IVD: variants seen among roughly 807,000 people sequenced by gnomAD.
The protein encoded by IVD is isovaleryl-CoA dehydrogenase, mitochondrial.
In IVD, 31 loss-of-function variants were observed where a neutral mutation model predicts 51.3. The ratio of observed to expected loss-of-function variants is 0.60; its 90% CI spans 0.45 to 0.81. The LOEUF (loss-of-function observed/expected upper bound fraction) is 0.81. Ranked by LOEUF, IVD falls within the 40% of genes least tolerant of loss-of-function variation. The pLI is 0.00. For synonymous variants in IVD, 205 were observed against 219.4 expected (o/e 0.93, Z 0.58); for missense variants, 475 against 552.0 (o/e 0.86, Z 1.40).
downstream of IVD, among the ~76,000 whole-genome samples, chr15:40,429,082 C>T (rs1274832918): frequency 6.6e-6 from 1 of 152,156 alleles, no homozygotes; most frequent in East Asian, 1.9e-4. Context: ...CCCAGCCTGC[C>T]CACTCACCAG....
chr15:40,418,024 A>C, intron 11 of IVD, 106 bp from the exon 12 acceptor site: 74 of 1,408,122 alleles, frequency 5.3e-5, no homozygotes, highest in Non-Finnish European at 6.9e-5. Flanking sequence ...GCTTTTCTTT[A>C]ATCACCCTCT....
Position 40,416,413 on chromosome 15 carries a change from G to A in IVD, c.1138+51G>A, listed in dbSNP as rs1891690062. 2.6e-6 allele frequency: 4 copies of A among 1,567,284 alleles called. No individual in the cohort carries two copies. In the East Asian group the frequency reaches 6.7e-5, roughly 26 times the overall value. On this transcript the variant is annotated intron_variant, in intron 11 of 11. Coordinates refer to ENST00000487418, the MANE Select transcript of IVD (RefSeq NM_002225.5). Reference sequence around the variant, plus strand: ...CGGGGCTCCCTCACTCCTGGGGCCTGTGGCTGCTTCAGAAAGCAGTTTCAG... The same window carrying A: ...CGGGGCTCCCTCACTCCTGGGGCCTATGGCTGCTTCAGAAAGCAGTTTCAG...
chr15:40,406,751 AGTTTAT>A (rs1890462515), intron 1 of IVD, among the ~76,000 whole-genome samples: 1 of 152,130 alleles, frequency 6.6e-6, no homozygotes, highest in Non-Finnish European at 1.5e-5. Flanking sequence ...GCAACTCCGT[AGTTTAT>A]GTTTATAGCC....
intron 1 of IVD, among the ~76,000 whole-genome samples, chr15:40,407,328 TG>T (rs1890553048): frequency 6.6e-6 from 1 of 152,224 alleles, no homozygotes; most frequent in Non-Finnish European, 1.5e-5. Flanking sequence ...GAGAGTCAGC[TG>T]GGGTCAGCTC....
At chr15:40,406,313 A>T (rs1270702448) in intron 1 of IVD, 10 of 1,380,724 alleles carry the variant, frequency 7.2e-6, no homozygotes, top group Non-Finnish European at 9.5e-6. Flanking sequence ...AAGGGCCCTC[A>T]ATCTGTATGT....
downstream of IVD, chr15:40,421,378 T>C (rs1892286339): frequency 1.0e-6 from 1 of 985,356 alleles, no homozygotes; most frequent in Admixed American, 6.1e-5. Flanking sequence ...GCGTGTTTGG[T>C]TGCCTACATG....
rs749727317 is a variant in IVD, at chr15:40,405,851, G to A, written c.24G>A (p.Leu8=). Residue 8 remains leucine, a synonymous_variant, in exon 1 of 12, where the codon CTG becomes CTA. Coordinates refer to ENST00000487418, the MANE Select transcript of IVD (RefSeq NM_002225.5). The part of the protein sequence containing the change: MATATRL[L]GWRVASWRLR... ...AGATGGCGACTGCGACTCGGCTGCT[G>A]GGGTGGCGTGTGGCGAGCTGGAGGC... The A allele has an allele frequency of 1.2e-6, 2 of 1,612,776 alleles. No individual in the cohort carries two copies. The highest frequency in any genetic ancestry group is 1.7e-6 in the Non-Finnish European group (2 of 1,179,276).
intron 7 of IVD, among the ~76,000 whole-genome samples, chr15:40,431,283 C>T (rs1421443504): frequency 6.6e-6 from 1 of 151,994 alleles, no homozygotes; most frequent in Non-Finnish European, 1.5e-5. Flanking sequence ...CGTGCCCAGC[C>T]GGCTCCACTA....
At chr15:40,411,147 G>A (rs1891031287) in intron 4 of IVD, 113 bp from the exon 5 acceptor site, 1 of 1,037,750 alleles carries the variant, frequency 9.6e-7, no homozygotes, top group Admixed American at 1.7e-5. Context: ...CGACACCCTG[G>A]TCTGAGAGCG....
In IVD at chr15:40,413,035, G is replaced by T. The variant is rs1449259635; in HGVS notation, c.732G>T (p.Gly244=). 4 of 1,614,146 alleles carry T rather than the reference G, an allele frequency of 2.5e-6. No homozygotes were observed. Among genetic ancestry groups the T allele is most frequent in the Non-Finnish European group, 3.4e-6 (4 of 1,179,998 alleles). ...FSTSKKLDKL[G]MRGSNTCELI... ...CCTCTAAGAAGCTGGACAAGCTGGG[G>T]ATGAGGGGCTCTAACACCTGTGAGC... is the stretch of plus-strand genomic sequence containing the variant. The change falls in exon 7 of 12, where the codon GGG becomes GGT. Residue 244 remains glycine, a synonymous_variant. Coordinates refer to ENST00000487418, the MANE Select transcript of IVD (RefSeq NM_002225.5).
At chr15:40,421,602 G>T (rs1447089446), downstream of IVD, among the ~76,000 whole-genome samples, 2 of 152,206 alleles carry the variant, frequency 1.3e-5, no homozygotes, top group African/African-American at 4.8e-5. Flanking sequence ...ATAAATGCAG[G>T]TTCCTGGATC....
At chr15:40,421,391 T>C (rs1036882150), downstream of IVD, 60 of 985,350 alleles carry the variant, frequency 6.1e-5, no homozygotes, top group South Asian at 1.4e-4. Flanking sequence ...CCTACATGCA[T>C]TGGGCAAATC....
At chr15:40,411,125 C>T in intron 4 of IVD, 135 bp from the exon 5 acceptor site, 1 of 908,620 alleles carries the variant, frequency 1.1e-6, no homozygotes, top group Non-Finnish European at 1.8e-6. Flanking sequence ...GAAGAGACTT[C>T]TAGGACTTTA....
rs532691940 is a variant in IVD, at chr15:40,419,435, C to T, written c.*1172C>T. On this transcript the variant is annotated 3_prime_UTR_variant, in exon 12 of 12. Transcript: ENST00000487418. ...CTGAGGCAGGAGAATCACTTGAACC[C>T]GGGAGGTGGAGGTTGCAATGAGCCA... is the stretch of plus-strand genomic sequence containing the variant. 5.8e-4 allele frequency: 198 copies of T among 342,970 alleles called. No individual in the cohort carries two copies. Among genetic ancestry groups the T allele is most frequent in the South Asian group, 4.2e-3 (181 of 43,366 alleles). The allele number at this position is 342,970 out of a possible 1,614,324, so 21.2% of individuals were successfully genotyped here.
intron 7 of IVD, 80 bp downstream of exon 7, chr15:40,413,167 C>G (rs1891265800): frequency 1.7e-6 from 2 of 1,169,778 alleles, no homozygotes; most frequent in Non-Finnish European, 2.5e-6. Context: ...TTGAGAAAGC[C>G]TCTGGGTTAG....
chr15:40,411,235 G>A, intron 4 of IVD, 25 bp from the exon 5 acceptor site: 6 of 1,611,818 alleles, frequency 3.7e-6, no homozygotes, highest in Non-Finnish European at 5.1e-6. Flanking sequence ...GTTGTAACAA[G>A]GCCTGTTGGG....
At position 40,418,171 on chromosome 15, in the gene IVD, C is replaced by G; in HGVS notation, c.1180C>G (p.Leu394Val). 1 of 1,614,226 alleles carries G rather than the reference C, an allele frequency of 6.2e-7. No homozygotes were observed. Among genetic ancestry groups the G allele is most frequent in the South Asian group, 1.1e-5 (1 of 91,090 alleles). ...CAATGACTTTCCCATGGGCCGCTTT[C>G]TTCGAGATGCCAAGCTGTATGAGAT... ...YINDFPMGRF[L>V]RDAKLYEIGA... The change falls in exon 12 of 12, where the codon CTT (leucine) becomes GTT (valine). Residue 394 changes from leucine (L) to valine (V), a missense_variant. Leu to Val is a conservative substitution (Grantham distance 32). Coordinates refer to ENST00000487418, the MANE Select transcript of IVD (RefSeq NM_002225.5).
rs762763598 is a variant in IVD, at chr15:40,405,900, G to A, written c.73G>A (p.Val25Ile). Residue 25 changes from valine (V) to isoleucine (I), a missense_variant, in exon 1 of 12, where the codon GTT becomes ATT. Coordinates refer to ENST00000487418, the MANE Select transcript of IVD (RefSeq NM_002225.5). ...GCTGCGGCCGCCGCTTGCCGGCTTCGTTTCCCAGCGGGCCCACTCGCTTTT... is the reference window on the plus strand; with the variant it reads ...GCTGCGGCCGCCGCTTGCCGGCTTCATTTCCCAGCGGGCCCACTCGCTTTT... ...WRLRPPLAGF[V>I]SQRAHSLLPV... 1.8e-5 allele frequency: 29 copies of A among 1,613,310 alleles called. No homozygotes were observed. Among genetic ancestry groups the A allele is most frequent in the Non-Finnish European group, 2.3e-5 (27 of 1,179,832 alleles).
chr15:40,407,972 T>A lies in IVD; in HGVS notation c.268T>A (p.Leu90Met), dbSNP rs780854004. Residue 90 changes from leucine to methionine, a missense_variant, in exon 3 of 12, where the codon TTG becomes ATG. Leu to Met is a conservative substitution (Grantham distance 15). Coordinates refer to ENST00000487418, the MANE Select transcript of IVD (RefSeq NM_002225.5). ...FWKQLGNLGV[L>M]GITAPVQYGG... ...GAAGCAGCTGGGGAACCTGGGCGTA[T>A]TGGGCATCACAGCCCCTGGTGAGTA... 8.1e-6 allele frequency: 13 copies of A among 1,614,176 alleles called. No homozygotes were observed. The highest frequency in any genetic ancestry group is 3.3e-4 in the Middle Eastern group (2 of 6,056).
Sources: gnomAD v4.1 joint callset for allele counts (sites outside exome capture counted in the v4.1 genomes callset) on GRCh38, gnomAD v4.1.1 for gene constraint, MANE v1.5 for transcripts, NCBI Gene and HGNC (gene_info 2026-07-23, HGNC 2026-07-21) for gene names.